The following IGF1R variants were observed in gnomAD, a reference collection of about 807,000 sequenced individuals.
The protein encoded by IGF1R is insulin like growth factor 1 receptor, also known as insulin-like growth factor 1 receptor.
A neutral mutation model predicts 144.6 loss-of-function variants in IGF1R; 44 were observed. The observed-to-expected ratio is 0.30, with a 90% CI of 0.24 to 0.39. The LOEUF (loss-of-function observed/expected upper bound fraction) is 0.39, where lower values mean the gene tolerates loss of function less well. IGF1R is among the 10% of genes least tolerant of loss of function. The pLI, the probability that IGF1R is intolerant of heterozygous loss-of-function variation, is 1.00. For missense variants in IGF1R, 1,355 were observed against 1,833.7 expected, an observed-to-expected ratio of 0.74 and a Z score of 4.77; for synonymous variants, 795 against 722.8, an observed-to-expected ratio of 1.10 and a Z score of -1.60.
At position 98,755,718 on chromosome 15, in the gene IGF1R, C is replaced by CAAAAAAAAAAA. The variant is rs56121011; in HGVS notation, c.640+47636_640+47646dup. On this transcript the variant is annotated intron_variant, in intron 2 of 20. Coordinates refer to ENST00000650285, the MANE Select transcript of IGF1R (RefSeq NM_000875.5). Reference sequence around the variant, plus strand: ...TGAATGACAGAGCAAAACTCCATTGCAAAAAAAAAAAAAAAAAAAAAAAAA... The same window carrying CAAAAAAAAAAA: ...TGAATGACAGAGCAAAACTCCATTGCAAAAAAAAAAAAAAAAAAAAAAAAAAAAAAAAAAAA... Among the ~76,000 whole-genome samples the CAAAAAAAAAAA allele has an allele frequency of 3.5e-4, 12 of 34,504 alleles. 2 individuals carry two copies. The highest frequency in any genetic ancestry group is 1.2e-3 in the African/African-American group (8 of 6,448). The allele number at this position is 34,504 out of a possible 152,430, so 22.6% of individuals were successfully genotyped here.
chr15:98,955,128 C>G (rs991707791), intron 20 of IGF1R, among the ~76,000 whole-genome samples: 4 of 152,178 alleles, frequency 2.6e-5, no homozygotes, highest in African/African-American at 9.7e-5. Context: ...ATATTATAGT[C>G]AGTAGCACCT....
At chr15:98,838,982 G>A (rs1362287146) in intron 2 of IGF1R, among the ~76,000 whole-genome samples, 1 of 152,226 alleles carries the variant, frequency 6.6e-6, no homozygotes, top group Non-Finnish European at 1.5e-5. Context: ...GCCACCAAGG[G>A]CAGGAGCACT....
chr15:98,861,213 T>C (rs2012133605), intron 2 of IGF1R, among the ~76,000 whole-genome samples: 1 of 152,244 alleles, frequency 6.6e-6, no homozygotes, highest in South Asian at 2.1e-4. Flanking sequence ...TGATGTGCTA[T>C]ATACAAGACC....
intron 2 of IGF1R, among the ~76,000 whole-genome samples, chr15:98,864,998 A>G (rs2012350805): frequency 6.6e-6 from 1 of 152,142 alleles, no homozygotes; most frequent in African/African-American, 2.4e-5. Context: ...AAATTTTAGG[A>G]GTCTGAAATG....
At chr15:98,934,466 T>C (rs1259969601) in intron 15 of IGF1R, among the ~76,000 whole-genome samples, 1 of 152,214 alleles carries the variant, frequency 6.6e-6, no homozygotes, top group African/African-American at 2.4e-5. Flanking sequence ...CAATCCCCTG[T>C]GGTTAATTTG....
Position 98,957,095 on chromosome 15 carries a change from C to A in IGF1R, c.3757C>A (p.Pro1253Thr), listed in dbSNP as rs1231440604. 5 of 1,614,112 alleles carry A rather than the reference C, an allele frequency of 3.1e-6. No homozygotes were observed. Among genetic ancestry groups the A allele is most frequent in the Admixed American group, 1.7e-5 (1 of 60,012 alleles). ...ELMRMCWQYN[P>T]KMRPSFLEII... is the part of the protein sequence containing the mutation. ...GATGCGCATGTGCTGGCAGTATAAC[C>A]CCAAGATGAGGCCTTCCTTCCTGGA... The change falls in exon 21 of 21, where the codon CCC (proline) becomes ACC (threonine). Residue 1253 changes from proline to threonine, a missense_variant. By Grantham distance (38) the Pro-to-Thr change is conservative. Around this residue, in one of 7 missense-constraint regions of IGF1R, gnomAD observed 219 missense variants for 188.8 expected, o/e 1.16. Transcript: ENST00000650285.
chr15:98,874,555 G>A (rs920532482), intron 2 of IGF1R, among the ~76,000 whole-genome samples: 2 of 152,198 alleles, frequency 1.3e-5, no homozygotes, highest in Admixed American at 6.5e-5. Context: ...GACAAGAGCC[G>A]TGGGCTCAGA....
intron 1 of IGF1R, among the ~76,000 whole-genome samples, chr15:98,703,662 G>A (rs1013569908): frequency 2.0e-5 from 3 of 152,200 alleles, no homozygotes; most frequent in African/African-American, 7.2e-5. Flanking sequence ...TTCATTTGAA[G>A]GAAATTCACA....
At chr15:98,715,288 A>C (rs911123570) in intron 2 of IGF1R, among the ~76,000 whole-genome samples, 1 of 152,116 alleles carries the variant, frequency 6.6e-6, no homozygotes, top group Non-Finnish European at 1.5e-5. Context: ...TGCCTCAAAG[A>C]CTTTGCTTTT....
At chr15:98,768,723 T>G (rs1417046009) in intron 2 of IGF1R, among the ~76,000 whole-genome samples, 1 of 121,998 alleles carries the variant, frequency 8.2e-6, no homozygotes, top group African/African-American at 3.1e-5. Flanking sequence ...TTCGAGACCA[T>G]CCTGGCTAAC....
At chr15:98,751,356 C>T (rs970662804) in intron 2 of IGF1R, among the ~76,000 whole-genome samples, 4 of 152,026 alleles carry the variant, frequency 2.6e-5, no homozygotes, top group Admixed American at 6.6e-5. Flanking sequence ...TGCATCACCA[C>T]GCCCAGGTAA....
At chr15:98,946,968 T>A (rs2016577783) in intron 19 of IGF1R, among the ~76,000 whole-genome samples, 1 of 152,226 alleles carries the variant, frequency 6.6e-6, no homozygotes, top group Non-Finnish European at 1.5e-5. Flanking sequence ...GTTGGAGAGC[T>A]AGTCATTTCT....
At chr15:98,860,496 T>C (rs2012089612) in intron 2 of IGF1R, among the ~76,000 whole-genome samples, 1 of 152,166 alleles carries the variant, frequency 6.6e-6, no homozygotes, top group Admixed American at 6.5e-5. Context: ...ACTGCACCAG[T>C]TTTTGTGCAC....
At chr15:98,798,490 GA>G (rs1478557974) in intron 2 of IGF1R, among the ~76,000 whole-genome samples, 1 of 152,194 alleles carries the variant, frequency 6.6e-6, no homozygotes, top group African/African-American at 2.4e-5. Context: ...TGCGTTAAGA[GA>G]GACTGTAAGG....
chr15:98,779,983 G>A lies in IGF1R; in HGVS notation c.640+71876G>A, dbSNP rs554967741. ...GACATTCATCAAGTTCTCTGGCTCC[G>A]GGATGTCAGCTGTGGTAGTGACTTG... On this transcript the variant is annotated intron_variant, in intron 2 of 20. Transcript: ENST00000650285. 3.0e-4 allele frequency among the ~76,000 whole-genome samples: 45 copies of A among 152,184 alleles called. 1 individual carries two copies. Among genetic ancestry groups the A allele is most frequent in the Admixed American group, 1.8e-3 (27 of 15,288 alleles).
chr15:98,728,749 G>T (rs983208562), intron 2 of IGF1R, among the ~76,000 whole-genome samples: 3 of 152,260 alleles, frequency 2.0e-5, no homozygotes, highest in African/African-American at 7.2e-5. Flanking sequence ...GGCCTTTGGT[G>T]ATCACCCTCT....
chr15:98,761,064 A>C (rs944624449), intron 2 of IGF1R, among the ~76,000 whole-genome samples: 1 of 152,210 alleles, frequency 6.6e-6, no homozygotes, highest in African/African-American at 2.4e-5. Context: ...CCTAAACACC[A>C]CCTGGCCTCT....
At chr15:98,867,083 G>C (rs930866514) in intron 2 of IGF1R, among the ~76,000 whole-genome samples, 9 of 151,700 alleles carry the variant, frequency 5.9e-5, no homozygotes, top group Non-Finnish European at 1.3e-4. Context: ...CACAATGGAG[G>C]TTTATTTTTT....
At chr15:98,709,057 A>G (rs962650237) in intron 2 of IGF1R, among the ~76,000 whole-genome samples, 4 of 152,184 alleles carry the variant, frequency 2.6e-5, no homozygotes, top group African/African-American at 4.8e-5. Context: ...AGTTATGTAT[A>G]TTGGCTAGGA....
Sources: allele counts gnomAD v4.1 joint callset (sites outside exome capture counted in the v4.1 genomes callset), GRCh38; gene constraint gnomAD v4.1.1; regional missense constraint gnomAD v4.1.1; transcripts MANE v1.5; gene names NCBI Gene and HGNC (gene_info 2026-07-23, HGNC 2026-07-21).